PDE3A: variants seen among roughly 807,000 people sequenced by gnomAD.
PDE3A encodes the protein cGMP-inhibited 3',5'-cyclic phosphodiesterase 3A.
Under a neutral mutation model 98.3 loss-of-function variants are expected in PDE3A, and 43 were observed. The observed-to-expected ratio is 0.44, with a 90% CI of 0.34 to 0.56. The LOEUF (loss-of-function observed/expected upper bound fraction) is 0.56, where lower values mean the gene tolerates loss of function less well. Ranked by LOEUF, PDE3A falls within the 20% of genes least tolerant of loss-of-function variation. The pLI, the probability that PDE3A is intolerant of heterozygous loss-of-function variation, is 0.01. For missense variants in PDE3A, 1,427 were observed against 1,440.7 expected (o/e 0.99, Z 0.15); for synonymous variants, 663 against 567.9 (o/e 1.17, Z -2.38).
intron 2 of PDE3A, among the ~76,000 whole-genome samples, chr12:20,578,678 AT>A (rs1314916207): frequency 6.6e-6 from 1 of 152,064 alleles, no homozygotes; most frequent in Non-Finnish European, 1.5e-5. Flanking sequence ...TTTTTAAATT[AT>A]TATTATTAGA....
intron 1 of PDE3A, among the ~76,000 whole-genome samples, chr12:20,492,796 T>G (rs1157792368): frequency 2.0e-5 from 3 of 152,122 alleles, no homozygotes; most frequent in Non-Finnish European, 4.4e-5. Context: ...ATGGGCTGAA[T>G]CCTAACAAGA....
intron 1 of PDE3A, among the ~76,000 whole-genome samples, chr12:20,406,087 A>G (rs1944228033): frequency 6.6e-6 from 1 of 152,316 alleles, no homozygotes; most frequent in South Asian, 2.1e-4. Flanking sequence ...TTGTGTATGC[A>G]CACACATACA....
chr12:20,396,589 A>G (rs1944022869), intron 1 of PDE3A, among the ~76,000 whole-genome samples: 1 of 152,150 alleles, frequency 6.6e-6, no homozygotes, highest in Admixed American at 6.6e-5. Flanking sequence ...ATGATTGAGT[A>G]TCAGTTTCAA....
rs1252630100 is a variant in PDE3A, at chr12:20,683,753, C to A, written c.*3482C>A. ...TTCATCTGATGAATGAAGAAATTTTCTCATATTATGTTCAAGAAAGTATTT... is the reference window on the plus strand; with the variant it reads ...TTCATCTGATGAATGAAGAAATTTTATCATATTATGTTCAAGAAAGTATTT... On this transcript the variant is annotated 3_prime_UTR_variant, in exon 16 of 16. Transcript: ENST00000359062. 6.6e-6 allele frequency: 1 copy of A among 152,040 alleles called. No individual in the cohort carries two copies. Among genetic ancestry groups the A allele is most frequent in the East Asian group, 1.9e-4 (1 of 5,188 alleles). 9.4% of individuals were successfully genotyped at this position (152,040 alleles called of 1,614,324 possible).
chr12:20,459,257 T>C (rs1225929345), intron 1 of PDE3A, among the ~76,000 whole-genome samples: 1 of 152,174 alleles, frequency 6.6e-6, no homozygotes, highest in Non-Finnish European at 1.5e-5. Context: ...CATAATTTCA[T>C]GTAAAATTTT....
intron 1 of PDE3A, among the ~76,000 whole-genome samples, chr12:20,381,067 A>G (rs959342050): frequency 1.3e-5 from 2 of 151,960 alleles, no homozygotes; most frequent in East Asian, 1.9e-4. Flanking sequence ...TTATTAAGGC[A>G]GTAGCCTCGT....
chr12:20,513,923 GAA>G (rs1021400904), intron 1 of PDE3A, among the ~76,000 whole-genome samples: 1 of 152,164 alleles, frequency 6.6e-6, no homozygotes, highest in Admixed American at 6.5e-5. Context: ...TCAATTGGAA[GAA>G]AAAAAGAGGT....
At chr12:20,589,462 G>A (rs186132708) in intron 2 of PDE3A, among the ~76,000 whole-genome samples, 2 of 152,226 alleles carry the variant, frequency 1.3e-5, no homozygotes, top group African/African-American at 4.8e-5. Flanking sequence ...TCAATGACCT[G>A]ATAACTAACA....
In PDE3A at chr12:20,369,138, G is replaced by A. The variant is rs542769759; in HGVS notation, c.-147G>A. 17 of 566,768 alleles carry A rather than the reference G, an allele frequency of 3.0e-5. No individual in the cohort carries two copies. Among genetic ancestry groups the A allele is most frequent in the Non-Finnish European group, 4.5e-5 (15 of 330,534 alleles). The allele number at this position is 566,768 out of a possible 1,614,324, so 35.1% of individuals were successfully genotyped here. A position where few individuals can be genotyped will look rare whatever the true frequency, so the allele number is the denominator to read the frequency against. ...AAAGCTGAAACTTTCAGTGGATTGT[G>A]GGCCTGGGGAGAAGAAGGATTCCGA... On this transcript the variant is annotated 5_prime_UTR_variant, in exon 1 of 16. Coordinates refer to ENST00000359062, the MANE Select transcript of PDE3A (RefSeq NM_000921.5).
Position 20,687,272 on chromosome 12 carries a change from A to G in PDE3A, c.*7001A>G, listed in dbSNP as rs1945992401. Among the ~76,000 whole-genome samples the G allele has an allele frequency of 6.6e-6, 1 of 151,910 alleles. No homozygotes were observed. The highest frequency in any genetic ancestry group is 2.1e-4 in the South Asian group (1 of 4,814). ...ATTCCCAACTGATTATGGGTCAAAA[A>G]CTCCATCTTATATCAGCGATGATTT... On this transcript the variant is annotated 3_prime_UTR_variant, in exon 16 of 16. Coordinates refer to ENST00000359062, the MANE Select transcript of PDE3A (RefSeq NM_000921.5).
At chr12:20,659,934 T>C (rs973746160) in intron 15 of PDE3A, among the ~76,000 whole-genome samples, 2 of 152,230 alleles carry the variant, frequency 1.3e-5, no homozygotes, top group African/African-American at 4.8e-5. Flanking sequence ...TCTTCACAGA[T>C]ATTACATATA....
At chr12:20,647,986 G>C (rs191947018) in intron 12 of PDE3A, among the ~76,000 whole-genome samples, 7 of 151,558 alleles carry the variant, frequency 4.6e-5, no homozygotes, top group African/African-American at 1.7e-4. Context: ...TTGCACACTA[G>C]TGTTCAGGCA....
In PDE3A at chr12:20,585,736, T is replaced by C. The variant is rs554859564; in HGVS notation, c.1012-27707T>C. Among the ~76,000 whole-genome samples the C allele has an allele frequency of 2.0e-5, 3 of 152,354 alleles. No individual in the cohort carries two copies. In the East Asian group the frequency reaches 5.8e-4, roughly 29 times the overall value. On this transcript the variant is annotated intron_variant, in intron 2 of 15. Coordinates refer to ENST00000359062, the MANE Select transcript of PDE3A (RefSeq NM_000921.5). Reference sequence around the variant, plus strand: ...ATTGTTCTCCTTCAGCCTTAAGTTATCTTTTGAGTGCTTTATTTTTTATTT... The same window carrying C: ...ATTGTTCTCCTTCAGCCTTAAGTTACCTTTTGAGTGCTTTATTTTTTATTT...
intron 1 of PDE3A, among the ~76,000 whole-genome samples, chr12:20,432,273 A>G (rs1005916099): frequency 1.6e-4 from 24 of 152,142 alleles, no homozygotes; most frequent in African/African-American, 4.3e-4. Flanking sequence ...CTGGGCTTCT[A>G]TGAGATGCTG....
chr12:20,552,241 A>C lies in PDE3A; in HGVS notation c.961-4419A>C. 6.2e-7 allele frequency: 1 copy of C among 1,613,936 alleles called. No individual in the cohort carries two copies. On this transcript the variant is annotated intron_variant, in intron 1 of 15. Coordinates refer to ENST00000359062, the MANE Select transcript of PDE3A (RefSeq NM_000921.5). The surrounding 1 kb of genome is among the most constrained non-coding windows in gnomAD (Gnocchi z 5.1). ...GGGGAAGCCGGTCAGGGTGGTGCGC[A>C]ATGTCAAGGGTGGCAAGAATAGCAA...
intron 1 of PDE3A, among the ~76,000 whole-genome samples, chr12:20,464,650 T>C (rs1945309382): frequency 6.6e-6 from 1 of 152,202 alleles, no homozygotes; most frequent in African/African-American, 2.4e-5. Context: ...AGGTGGGTCC[T>C]AAGCCCATGC....
intron 1 of PDE3A, among the ~76,000 whole-genome samples, chr12:20,469,456 C>T (rs151182888): frequency 1.4e-4 from 22 of 152,316 alleles, no homozygotes; most frequent in African/African-American, 4.6e-4. Context: ...AAAGGGTCTT[C>T]TCTTTCTAGC....
chr12:20,576,242 C>T (rs368347466), intron 2 of PDE3A, among the ~76,000 whole-genome samples: 1 of 151,894 alleles, frequency 6.6e-6, no homozygotes, highest in African/African-American at 2.4e-5. Context: ...GAGAGAATTG[C>T]TTAAATTTTA....
intron 1 of PDE3A, among the ~76,000 whole-genome samples, chr12:20,372,254 C>T (rs146615250): frequency 6.6e-5 from 10 of 152,120 alleles, no homozygotes; most frequent in African/African-American, 2.2e-4. Flanking sequence ...TGCATAATCG[C>T]AATCTATTTC....
Sources: gnomAD v4.1 joint callset for allele counts (sites outside exome capture counted in the v4.1 genomes callset) on GRCh38, gnomAD v4.1.1 for gene constraint, Gnocchi (gnomAD v3.1) non-coding constraint, MANE v1.5 for transcripts, NCBI Gene and HGNC (gene_info 2026-07-23, HGNC 2026-07-21) for gene names.